EHMT1: variants seen among roughly 807,000 people sequenced by gnomAD.
The protein encoded by EHMT1 is euchromatic histone lysine methyltransferase 1, also known as histone-lysine N-methyltransferase EHMT1.
In EHMT1, 15 loss-of-function variants were observed where a neutral mutation model predicts 147.2. The ratio of observed to expected loss-of-function variants is 0.10; its 90% CI spans 0.07 to 0.16. The LOEUF (loss-of-function observed/expected upper bound fraction) is 0.16, where lower values mean the gene tolerates loss of function less well. Ranked by LOEUF, EHMT1 falls within the 10% of genes least tolerant of loss-of-function variation. The pLI is 1.00. For synonymous variants in EHMT1, 795 were observed against 709.6 expected (o/e 1.12, Z -1.91); for missense variants, 1,587 against 1,772.4 (o/e 0.90, Z 1.88).
At chr9:137,676,079 CA>C (rs1340517024) in intron 1 of EHMT1, 10 of 151,420 alleles carry the variant, frequency 6.6e-5, no homozygotes, top group African/African-American at 2.4e-4. Flanking sequence ...CCACCGCGCC[CA>C]GCCTAATTTT....
intron 13 of EHMT1, among the ~76,000 whole-genome samples, chr9:137,778,511 C>T (rs1951132326): frequency 1.3e-5 from 2 of 152,242 alleles, no homozygotes; most frequent in African/African-American, 2.4e-5. Flanking sequence ...ACCAGGGAGG[C>T]AGACCAGACT....
intron 4 of EHMT1, 86 bp downstream of exon 4, chr9:137,728,615 A>C: frequency 6.4e-7 from 1 of 1,571,550 alleles, no homozygotes; most frequent in African/African-American, 1.3e-5. Flanking sequence ...GTTTGGCTGT[A>C]AGTGCCTGTG....
chr9:137,741,365 A>T, intron 4 of EHMT1, among the ~76,000 whole-genome samples: 1 of 149,890 alleles, frequency 6.7e-6, no homozygotes, highest in African/African-American at 2.4e-5. Context: ...AACTGTTTCC[A>T]GGGGACAGGT....
At chr9:137,693,375 C>T (rs1238848666) in intron 1 of EHMT1, among the ~76,000 whole-genome samples, 1 of 152,154 alleles carries the variant, frequency 6.6e-6, no homozygotes, top group Non-Finnish European at 1.5e-5. Context: ...CTGAGTCCTG[C>T]AGCCCCCGCA....
chr9:137,688,253 A>C (rs1233387255), intron 1 of EHMT1, among the ~76,000 whole-genome samples: 2 of 152,118 alleles, frequency 1.3e-5, no homozygotes, highest in African/African-American at 4.8e-5. Flanking sequence ...CGAACTCCTA[A>C]CCTCTAGTGA....
chr9:137,814,200 C>T, intron 21 of EHMT1: 1 of 624,276 alleles, frequency 1.6e-6, no homozygotes, highest in Admixed American at 2.4e-5. Context: ...CGCTGCCCTG[C>T]CTGCCCCCTG....
At chr9:137,753,618 C>T (rs1949149128) in intron 7 of EHMT1, among the ~76,000 whole-genome samples, 1 of 152,232 alleles carries the variant, frequency 6.6e-6, no homozygotes, top group South Asian at 2.1e-4. Flanking sequence ...ACGTGGCCTC[C>T]TGTGGAGGGG....
intron 1 of EHMT1, among the ~76,000 whole-genome samples, chr9:137,686,364 A>T (rs1360552000): frequency 6.6e-6 from 1 of 151,796 alleles, no homozygotes; most frequent in Admixed American, 6.6e-5. Context: ...TTTTTTATCT[A>T]TTTTGAGGCA....
chr9:137,677,962 A>G (rs1241007541), intron 1 of EHMT1, among the ~76,000 whole-genome samples: 10 of 151,422 alleles, frequency 6.6e-5, no homozygotes, highest in Admixed American at 2.6e-4. Flanking sequence ...CCAGCTACTC[A>G]GGAGGCTGAG....
intron 22 of EHMT1, chr9:137,814,816 G>C (rs1360031057): frequency 1.8e-6 from 1 of 543,188 alleles, no homozygotes; most frequent in Non-Finnish European, 3.3e-6. Flanking sequence ...CTTATGTTGT[G>C]TGTATCTGGT....
chr9:137,649,317 G>A (rs190593674), intron 1 of EHMT1, among the ~76,000 whole-genome samples: 8 of 152,150 alleles, frequency 5.3e-5, no homozygotes, highest in Non-Finnish European at 1.0e-4. Context: ...AAAATTAGTC[G>A]GATGTGGTGA....
chr9:137,797,768 G>A (rs532436107), intron 16 of EHMT1, among the ~76,000 whole-genome samples: 91 of 152,156 alleles, frequency 6.0e-4, no homozygotes, highest in African/African-American at 2.0e-3. Flanking sequence ...GGACTCCACC[G>A]AGATAAGGGG....
intron 19 of EHMT1, 145 bp downstream of exon 19, chr9:137,811,760 T>C: frequency 3.6e-6 from 4 of 1,106,002 alleles, no homozygotes; most frequent in Non-Finnish European, 5.3e-6. Context: ...ATCCTTGGTG[T>C]TCCACACGCA....
chr9:137,692,646 T>C (rs1943041875), intron 1 of EHMT1, among the ~76,000 whole-genome samples: 1 of 152,130 alleles, frequency 6.6e-6, no homozygotes, highest in Non-Finnish European at 1.5e-5. Context: ...AAAACTCTCT[T>C]TTAGACGTTG....
intron 14 of EHMT1, 121 bp downstream of exon 14, chr9:137,779,838 C>G (rs1951245475): frequency 1.9e-6 from 2 of 1,076,806 alleles, no homozygotes; most frequent in African/African-American, 3.1e-5. Flanking sequence ...GTTTCTGTGT[C>G]TCCGAGTTCT....
At chr9:137,744,294 G>T (rs1226128058) in intron 6 of EHMT1, among the ~76,000 whole-genome samples, 1 of 148,574 alleles carries the variant, frequency 6.7e-6, no homozygotes, top group African/African-American at 2.6e-5. Flanking sequence ...ATCATTCATT[G>T]AAGTAAACCT....
chr9:137,628,283 T>C (rs555882985), intron 1 of EHMT1, among the ~76,000 whole-genome samples: 1 of 152,224 alleles, frequency 6.6e-6, no homozygotes, highest in Non-Finnish European at 1.5e-5. Context: ...CCTCTCTGTC[T>C]TCCTATTTGT....
At chr9:137,654,480 C>T (rs1268997006) in intron 1 of EHMT1, among the ~76,000 whole-genome samples, 2 of 151,616 alleles carry the variant, frequency 1.3e-5, no homozygotes, top group South Asian at 4.1e-4. Flanking sequence ...GATGTTGTTC[C>T]TTAGGCCAGT....
chr9:137,739,073 T>TG (rs1554856258), intron 4 of EHMT1, among the ~76,000 whole-genome samples: 1 of 139,574 alleles, frequency 7.2e-6, no homozygotes, highest in African/African-American at 2.6e-5. Context: ...ATTTTACTAG[T>TG]AAAAAAAAAA....
Sources: allele counts gnomAD v4.1 joint callset (sites outside exome capture counted in the v4.1 genomes callset), GRCh38; gene constraint gnomAD v4.1.1; transcripts MANE v1.5; gene names NCBI Gene and HGNC (gene_info 2026-07-23, HGNC 2026-07-21).